CDH13: variants seen among roughly 807,000 people sequenced by gnomAD.
CDH13 encodes cadherin-13.
A neutral mutation model predicts 63.8 loss-of-function variants in CDH13; 24 were observed. That is an observed-to-expected ratio of 0.38 (90% CI 0.27 to 0.53). CDH13 has a LOEUF of 0.53. CDH13 is among the 20% of genes least tolerant of loss of function. The probability of loss-of-function intolerance (pLI) is 0.85; values close to 1 mark genes in which losing one functional copy is unlikely to be tolerated. For synonymous variants in CDH13, 503 were observed against 355.3 expected (o/e 1.42, Z -4.67); for missense variants, 1,049 against 903.1 (o/e 1.16, Z -2.07).
chr16:83,526,845 A>G (rs2074973574), intron 7 of CDH13, among the ~76,000 whole-genome samples: 1 of 152,160 alleles, frequency 6.6e-6, no homozygotes, highest in Non-Finnish European at 1.5e-5. Context: ...CAGAATGGGA[A>G]TTCAGGCCAG....
At chr16:83,617,481 T>G (rs1909386750) in intron 8 of CDH13, among the ~76,000 whole-genome samples, 1 of 151,686 alleles carries the variant, frequency 6.6e-6, no homozygotes, top group South Asian at 2.1e-4. Context: ...ATATATAATA[T>G]CTATTGTAAT....
intron 1 of CDH13, among the ~76,000 whole-genome samples, chr16:82,760,712 C>T (rs894403919): frequency 2.6e-5 from 4 of 152,110 alleles, no homozygotes; most frequent in African/African-American, 7.2e-5. Context: ...ATTTGGCTTA[C>T]GGTTCTGCAG....
At chr16:83,693,292 A>C (rs1386947569) in intron 10 of CDH13, among the ~76,000 whole-genome samples, 2 of 152,200 alleles carry the variant, frequency 1.3e-5, no homozygotes, top group Non-Finnish European at 2.9e-5. Flanking sequence ...TGGATACAGA[A>C]TAAAAGAATT....
intron 6 of CDH13, among the ~76,000 whole-genome samples, chr16:83,467,096 G>A (rs73601988): frequency 0.015 from 2,211 of 152,120 alleles, 44 homozygotes; most frequent in African/African-American, 0.049. Context: ...TTTACTTCTC[G>A]ATACAAGAAA....
In CDH13 at chr16:82,794,889, C is replaced by G. The variant is rs74471464; in HGVS notation, c.46-63473C>G. On this transcript the variant is annotated intron_variant, in intron 1 of 13. Coordinates refer to ENST00000567109, the MANE Select transcript of CDH13 (RefSeq NM_001257.5). ...ACCCCTTTTACCTCCCTCACTGGCA[C>G]AAAAGCAACTTGTTTCCAAGATTCA... 9.1e-3 allele frequency among the ~76,000 whole-genome samples: 1,393 copies of G among 152,298 alleles called. 46 individuals carry two copies. The highest frequency in any genetic ancestry group is 0.058 in the South Asian group (282 of 4,822).
At chr16:83,593,535 G>A (rs1406365188) in intron 7 of CDH13, among the ~76,000 whole-genome samples, 1 of 151,374 alleles carries the variant, frequency 6.6e-6, no homozygotes, top group Non-Finnish European at 1.5e-5. Flanking sequence ...ACAGCTACAG[G>A]TATACCACTC....
intron 4 of CDH13, among the ~76,000 whole-genome samples, chr16:83,197,167 AT>A (rs1271098179): frequency 6.6e-6 from 1 of 152,182 alleles, no homozygotes; most frequent in Non-Finnish European, 1.5e-5. Context: ...ATTATGCTGA[AT>A]GAAAATGCTA....
intron 5 of CDH13, among the ~76,000 whole-genome samples, chr16:83,272,182 C>G (rs1175059930): frequency 1.3e-5 from 2 of 152,122 alleles, no homozygotes; most frequent in African/African-American, 4.8e-5. Flanking sequence ...AGTCTCCAGC[C>G]ATAAAGAAAC....
rs375416650 is a variant in CDH13, at chr16:83,708,534, T to C, written c.1538+30073T>C. Among the ~76,000 whole-genome samples, 3 of 152,328 alleles carry C rather than the reference T, an allele frequency of 2.0e-5. No homozygotes were observed. The East Asian group carries it at 5.8e-4, about 29-fold the overall frequency. ...ATGAGTGTCCTCTTCTCTGAATTCA[T>C]AGCCTTTGTGGCCTCTCTTCCTGCT... On this transcript the variant is annotated intron_variant, in intron 10 of 13. Coordinates refer to ENST00000567109, the MANE Select transcript of CDH13 (RefSeq NM_001257.5).
intron 2 of CDH13, among the ~76,000 whole-genome samples, chr16:82,863,897 A>T (rs367909711): frequency 3.3e-5 from 5 of 151,396 alleles, no homozygotes; most frequent in African/African-American, 9.7e-5. Flanking sequence ...ATTTTAAAAA[A>T]TTGGTAAGAC....
chr16:83,648,164 T>C (rs982391678), intron 8 of CDH13, among the ~76,000 whole-genome samples: 1 of 152,144 alleles, frequency 6.6e-6, no homozygotes, highest in African/African-American at 2.4e-5. Context: ...GACCAAGGTA[T>C]GGGGTTAATA....
At chr16:82,978,487 T>G (rs951965649) in intron 2 of CDH13, among the ~76,000 whole-genome samples, 1 of 152,216 alleles carries the variant, frequency 6.6e-6, no homozygotes, top group Admixed American at 6.5e-5. Context: ...AAGTCTCCCC[T>G]GCTTTGTGCA....
rs1413353405 is a variant in CDH13, at chr16:83,200,894, A to G, written c.484-16451A>G. On this transcript the variant is annotated intron_variant, in intron 4 of 13. Transcript: ENST00000567109. ...TGTATCCATGAGCCTGTTAATTTTC[A>G]GGGAGCAAGATTCTCTAGTCTTAAA... 4.7e-5 allele frequency among the ~76,000 whole-genome samples: 7 copies of G among 150,176 alleles called. No individual in the cohort carries two copies. The East Asian group carries it at 1.4e-3, about 30-fold the overall frequency.
chr16:82,825,557 T>TTTTC (rs1567573383), intron 1 of CDH13: 1 of 146,542 alleles, frequency 6.8e-6, no homozygotes, highest in Admixed American at 6.8e-5. Flanking sequence ...TTTTTTTTTT[T>TTTTC]CCCAAACAGA....
intron 1 of CDH13, among the ~76,000 whole-genome samples, chr16:82,650,359 G>T (rs1339205050): frequency 6.6e-6 from 1 of 152,206 alleles, no homozygotes; most frequent in Non-Finnish European, 1.5e-5. Context: ...GGAGGACCTG[G>T]AGAAGGCAGA....
At chr16:83,724,697 C>G (rs1362418252) in intron 10 of CDH13, among the ~76,000 whole-genome samples, 1 of 152,186 alleles carries the variant, frequency 6.6e-6, no homozygotes, top group Non-Finnish European at 1.5e-5. Context: ...AAGCTCTCTC[C>G]TAGACACCTG....
chr16:83,170,598 T>C (rs2037875058), intron 4 of CDH13, among the ~76,000 whole-genome samples: 1 of 152,186 alleles, frequency 6.6e-6, no homozygotes, highest in South Asian at 2.1e-4. Flanking sequence ...TTGAACACAA[T>C]TCTTCAAAGA....
intron 8 of CDH13, among the ~76,000 whole-genome samples, chr16:83,634,586 A>C (rs1911090196): frequency 6.6e-6 from 1 of 151,952 alleles, no homozygotes; most frequent in African/African-American, 2.4e-5. Flanking sequence ...TTTTTAGTAG[A>C]GACAGGGTTT....
intron 5 of CDH13, among the ~76,000 whole-genome samples, chr16:83,242,069 A>G (rs1008171800): frequency 6.6e-6 from 1 of 152,186 alleles, no homozygotes; most frequent in Non-Finnish European, 1.5e-5. Context: ...CAGTTTTCCA[A>G]ACACCATTTG....
Sources: gnomAD v4.1 joint callset for allele counts (sites outside exome capture counted in the v4.1 genomes callset) on GRCh38, gnomAD v4.1.1 for gene constraint, MANE v1.5 for transcripts, NCBI Gene and HGNC (gene_info 2026-07-23, HGNC 2026-07-21) for gene names.